Variants in ROBO1 observed in about 807,000 individuals in gnomAD.
ROBO1 encodes roundabout guidance receptor 1.
ROBO1 carries 149 observed loss-of-function variants against 195.9 expected under a neutral mutation model. The ratio of observed to expected loss-of-function variants is 0.76; its 90% CI spans 0.67 to 0.87. ROBO1 has a LOEUF of 0.87. ROBO1 is among the 40% of genes least tolerant of loss of function. The probability of loss-of-function intolerance (pLI) is 0.00; values close to 1 mark genes in which losing one functional copy is unlikely to be tolerated. For synonymous variants in ROBO1, 816 were observed against 733.2 expected (o/e 1.11, Z -1.82); for missense variants, 1,933 against 2,068.3 (o/e 0.93, Z 1.27).
At chr3:78,727,296 T>C (rs2082185067) in intron 5 of ROBO1, among the ~76,000 whole-genome samples, 1 of 152,120 alleles carries the variant, frequency 6.6e-6, no homozygotes, top group Admixed American at 6.5e-5. Context: ...TTCCTTGTCA[T>C]AGTCCCAGGT....
rs2082899987 is a variant in ROBO1 at position 78,755,279 on chromosome 3, G to A, written c.500-8379C>T. Reference sequence around the variant, plus strand: ...GCCCAGGAGTTGGAGACCAGCCTGCGAAACATAGTGAGACACTGTCTCTAC... The same window carrying A: ...GCCCAGGAGTTGGAGACCAGCCTGCAAAACATAGTGAGACACTGTCTCTAC... On this transcript the variant is annotated intron_variant, in intron 4 of 30. Coordinates refer to ENST00000464233, the MANE Select transcript of ROBO1 (RefSeq NM_002941.4). Among the ~76,000 whole-genome samples the A allele has an allele frequency of 1.3e-5, 2 of 152,022 alleles. 1 individual carries two copies. The highest frequency in any genetic ancestry group is 4.2e-4 in the South Asian group (2 of 4,812).
At chr3:79,640,590 T>C (rs1206423589) in intron 1 of ROBO1, among the ~76,000 whole-genome samples, 3 of 152,188 alleles carry the variant, frequency 2.0e-5, no homozygotes, top group Non-Finnish European at 4.4e-5. Context: ...TCTTAAGGCC[T>C]GACTTCAATT....
intron 1 of ROBO1, among the ~76,000 whole-genome samples, chr3:79,755,268 G>T (rs1182887421): frequency 6.6e-6 from 1 of 152,048 alleles, no homozygotes; most frequent in Non-Finnish European, 1.5e-5. Context: ...TTCTAAATTA[G>T]AATATTATTC....
At chr3:79,726,536 A>G (rs1425945947) in intron 1 of ROBO1, among the ~76,000 whole-genome samples, 2 of 152,206 alleles carry the variant, frequency 1.3e-5, no homozygotes, top group Non-Finnish European at 2.9e-5. Context: ...AATCAAGTCC[A>G]TACTTCTGAT....
At chr3:79,511,507 C>G (rs999480861) in intron 2 of ROBO1, among the ~76,000 whole-genome samples, 9 of 152,092 alleles carry the variant, frequency 5.9e-5, no homozygotes, top group Admixed American at 5.9e-4. Flanking sequence ...TCCACCCATT[C>G]ATACACTCAG....
intron 2 of ROBO1, among the ~76,000 whole-genome samples, chr3:79,578,176 A>C (rs904578811): frequency 1.1e-4 from 16 of 152,218 alleles, no homozygotes; most frequent in Admixed American, 7.9e-4. Flanking sequence ...ATAGAGCAAC[A>C]GGAACTTTTA....
intron 2 of ROBO1, among the ~76,000 whole-genome samples, chr3:79,476,158 C>T (rs1938535761): frequency 6.6e-6 from 1 of 152,036 alleles, no homozygotes. Flanking sequence ...CTCAACATCA[C>T]TAACCATCAG....
In ROBO1 at chr3:78,731,755, G is replaced by A. The variant is rs373740905; in HGVS notation, c.658-13872C>T. 1.9e-4 allele frequency among the ~76,000 whole-genome samples: 29 copies of A among 152,136 alleles called. No homozygotes were observed. In the East Asian group the frequency reaches 5.6e-3, roughly 29 times the overall value. ...ATAACAAATGTATTTAAATTCTCTG[G>A]TGTTTCTATAGAAATTTTAAAGAAC... On this transcript the variant is annotated intron_variant, in intron 5 of 30. Transcript: ENST00000464233.
At chr3:79,171,745 C>T (rs962909933) in intron 2 of ROBO1, among the ~76,000 whole-genome samples, 1 of 151,734 alleles carries the variant, frequency 6.6e-6, no homozygotes, top group Non-Finnish European at 1.5e-5. Context: ...ACTGGAAATA[C>T]CTTCATAGGG....
At chr3:79,460,201 G>A (rs1042043645) in intron 2 of ROBO1, among the ~76,000 whole-genome samples, 2 of 152,102 alleles carry the variant, frequency 1.3e-5, no homozygotes, top group African/African-American at 4.8e-5. Context: ...TGGTAATTTT[G>A]ACTTAAATTG....
intron 2 of ROBO1, among the ~76,000 whole-genome samples, chr3:79,546,209 T>G (rs1942259255): frequency 6.6e-6 from 1 of 152,084 alleles, no homozygotes; most frequent in African/African-American, 2.4e-5. Context: ...CTAGCTTACG[T>G]TATTGCAAAA....
At chr3:79,504,164 A>T (rs1940268599) in intron 2 of ROBO1, among the ~76,000 whole-genome samples, 1 of 152,152 alleles carries the variant, frequency 6.6e-6, no homozygotes, top group Non-Finnish European at 1.5e-5. Context: ...AGCATTGGTT[A>T]CGTTAAATCA....
intron 26 of ROBO1, among the ~76,000 whole-genome samples, chr3:78,622,306 A>C (rs62260385): frequency 0.015 from 2,299 of 152,282 alleles, 19 homozygotes; most frequent in Middle Eastern, 0.021. Context: ...GTTTAAGTTC[A>C]GTAATTTTAT....
intron 4 of ROBO1, among the ~76,000 whole-genome samples, chr3:78,833,492 C>T (rs1223472470): frequency 6.6e-6 from 1 of 151,546 alleles, no homozygotes; most frequent in Non-Finnish European, 1.5e-5. Flanking sequence ...TTATACAAAA[C>T]AATGAAAATA....
At position 78,835,676 on chromosome 3, in the gene ROBO1, T is replaced by C. The variant is rs182085907; in HGVS notation, c.500-88776A>G. 4.6e-5 allele frequency among the ~76,000 whole-genome samples: 7 copies of C among 152,332 alleles called. No homozygotes were observed. In the East Asian group the frequency reaches 1.2e-3, roughly 25 times the overall value. On this transcript the variant is annotated intron_variant, in intron 4 of 30. Transcript: ENST00000464233. ...GATCAATCTATGAATTATAAATTCT[T>C]ACATTTAATTGACTGAAAAATGCAT...
intron 3 of ROBO1, among the ~76,000 whole-genome samples, chr3:78,999,584 T>C (rs1236844316): frequency 6.6e-6 from 1 of 152,054 alleles, no homozygotes; most frequent in East Asian, 1.9e-4. Flanking sequence ...AAGAACTAAC[T>C]TTTGGGTACT....
intron 3 of ROBO1, among the ~76,000 whole-genome samples, chr3:79,097,961 T>C (rs1396941346): frequency 6.6e-6 from 1 of 151,768 alleles, no homozygotes; most frequent in Non-Finnish European, 1.5e-5. Flanking sequence ...AAATCAAGCA[T>C]GATATATGAA....
chr3:78,719,389 C>G (rs530649586), intron 5 of ROBO1, among the ~76,000 whole-genome samples: 1 of 151,750 alleles, frequency 6.6e-6, no homozygotes, highest in Non-Finnish European at 1.5e-5. Context: ...ATAAAGAAAA[C>G]GTCACACAAA....
At chr3:78,620,881 A>ATGTGTGTGTGTG (rs778171914) in intron 26 of ROBO1, among the ~76,000 whole-genome samples, 1 of 27,554 alleles carries the variant, frequency 3.6e-5, no homozygotes, top group Non-Finnish European at 9.6e-5. Context: ...TTATATATAT[A>ATGTGTGTGTGTG]TATGTGTGTG....
Sources: allele counts gnomAD v4.1 joint callset (sites outside exome capture counted in the v4.1 genomes callset), GRCh38; gene constraint gnomAD v4.1.1; transcripts MANE v1.5; gene names NCBI Gene and HGNC (gene_info 2026-07-23, HGNC 2026-07-21).